Variants in PPP2R3B observed in about 807,000 individuals in gnomAD.
PPP2R3B encodes the protein serine/threonine-protein phosphatase 2A regulatory subunit B'' subunit beta.
A neutral mutation model predicts 72.9 loss-of-function variants in PPP2R3B; 68 were observed. The observed-to-expected ratio is 0.93, with a 90% CI of 0.77 to 1.14. The LOEUF is 1.14. Ranked by LOEUF, PPP2R3B falls within the 50% of genes most tolerant of loss-of-function variation. The pLI is 0.00. For synonymous variants in PPP2R3B, 466 were observed against 375.8 expected (o/e 1.24, Z -2.78); for missense variants, 1,018 against 842.0 (o/e 1.21, Z -2.59).
At chrX:381,034 C>G (rs2072113367) in intron 1 of PPP2R3B, among the ~76,000 whole-genome samples, 1 of 151,482 alleles carries the variant, frequency 6.6e-6, no homozygotes. Flanking sequence ...CTCCTGGGAT[C>G]TTCCTGCCTC....
intron 1 of PPP2R3B, among the ~76,000 whole-genome samples, chrX:363,262 C>T (rs746588161): frequency 8.1e-5 from 12 of 147,780 alleles, no homozygotes; most frequent in South Asian, 6.3e-4. Flanking sequence ...CCCATGATCC[C>T]GCAGTGCATC....
At chrX:349,063 A>C (rs2071278258) in intron 2 of PPP2R3B, among the ~76,000 whole-genome samples, 1 of 152,174 alleles carries the variant, frequency 6.6e-6, no homozygotes, top group Admixed American at 6.6e-5. Flanking sequence ...TAGACCAGGA[A>C]ACCAGAATCA....
chrX:379,072 TGTGTGTGTATGCACCTAC>T (rs2072061704), intron 1 of PPP2R3B, among the ~76,000 whole-genome samples: 1 of 150,104 alleles, frequency 6.7e-6, no homozygotes, highest in African/African-American at 2.5e-5. Flanking sequence ...TATGCACCTG[TGTGTGTGTATGCACCTAC>T]GTGTGTGTGT....
intron 1 of PPP2R3B, among the ~76,000 whole-genome samples, chrX:380,478 A>C (rs1423095141): frequency 6.6e-6 from 1 of 152,182 alleles, no homozygotes; most frequent in African/African-American, 2.4e-5. Flanking sequence ...GGCCGCAGGG[A>C]AATGCAATCA....
chrX:343,677 G>T (rs371212360), intron 7 of PPP2R3B, among the ~76,000 whole-genome samples: 1,701 of 32,424 alleles, frequency 0.052, 21 homozygotes, highest in Non-Finnish European at 0.066. Flanking sequence ...GAGGCGGGAG[G>T]GAGACCTCGC....
rs751601658 is a variant in PPP2R3B at position 340,949 on chromosome X, C to T, written c.1176-9G>A. On this transcript the variant is annotated splice_polypyrimidine_tract_variant and intron_variant, in intron 9 of 12. Coordinates refer to ENST00000390665, the MANE Select transcript of PPP2R3B (RefSeq NM_013239.5). ...GGAACCAGTACTCGATGCTGCGGCA[C>T]GGCGAGCTCTGTCAGCCCCTGCCCT... The T allele has an allele frequency of 1.3e-5, 21 of 1,608,276 alleles. No homozygotes were observed. The East Asian group carries it at 1.6e-4, about 12-fold the overall frequency.
chrX:334,428 G>A lies in PPP2R3B; in HGVS notation c.1667C>T (p.Pro556Leu), dbSNP rs143642265. The change falls in exon 13 of 13, where the codon CCG (proline) becomes CTG (leucine). Residue 556 changes from proline (P) to leucine (L), a missense_variant. Physicochemically the swap from Pro to Leu is moderately conservative, Grantham distance 98. Coordinates refer to ENST00000390665, the MANE Select transcript of PPP2R3B (RefSeq NM_013239.5). ...CTCGTACAGGTCCACGGCGCCCAGC[G>A]GTGAGGGCGCCTCGAAGAAGGGCCT... is the stretch of plus-strand genomic sequence containing the variant. Reference protein sequence around the residue: ...AQRPFFEAPSPLGAVDLYEYA... With the variant: ...AQRPFFEAPSLLGAVDLYEYA... 1.2e-3 allele frequency: 1,921 copies of A among 1,595,004 alleles called. 5 individuals are homozygous for A. Among genetic ancestry groups the A allele is most frequent in the African/African-American group, 0.012 (878 of 74,032 alleles).
chrX:341,672 AC>A (rs1391194469), intron 8 of PPP2R3B: 2 of 670,282 alleles, frequency 3.0e-6, no homozygotes, highest in Non-Finnish European at 2.6e-6. Context: ...GGCCTGGGCC[AC>A]CCCCTTCCTC....
chrX:360,689 G>A (rs2071520547), intron 2 of PPP2R3B, among the ~76,000 whole-genome samples: 1 of 152,188 alleles, frequency 6.6e-6, no homozygotes, highest in Non-Finnish European at 1.5e-5. Context: ...AGGGGTGGGA[G>A]CATCCACTGG....
intron 1 of PPP2R3B, among the ~76,000 whole-genome samples, chrX:385,765 T>C (rs977110531): frequency 6.6e-6 from 1 of 152,084 alleles, no homozygotes; most frequent in African/African-American, 2.4e-5. Flanking sequence ...AGCAAGACCC[T>C]GTCTCCAAAG....
chrX:345,328 C>G (rs1471877376), intron 7 of PPP2R3B, 188 bp downstream of exon 7: 2 of 858,182 alleles, frequency 2.3e-6, no homozygotes, highest in African/African-American at 3.3e-5. Context: ...CACGCGGGGA[C>G]CCAGACACGG....
intron 2 of PPP2R3B, chrX:359,762 A>G (rs1183724681): frequency 2.1e-6 from 1 of 475,600 alleles, no homozygotes; most frequent in African/African-American, 2.0e-5. Context: ...TCATACTCAT[A>G]CACATATTTG....
chrX:341,521 T>G, intron 8 of PPP2R3B, 125 bp from the exon 9 acceptor site: 1 of 876,916 alleles, frequency 1.1e-6, no homozygotes, highest in Non-Finnish European at 1.8e-6. Context: ...CCTGCCCCCC[T>G]CCTGCCCCTC....
At chrX:347,528 C>A in intron 3 of PPP2R3B, 62 bp downstream of exon 3, 6 of 1,508,158 alleles carry the variant, frequency 4.0e-6, no homozygotes, top group Non-Finnish European at 5.4e-6. Context: ...GTCCTGGCAC[C>A]ACGGGGACCC....
At position 338,717 on chromosome X, in the gene PPP2R3B, G is replaced by T. The variant is rs773117993; in HGVS notation, c.1471-7C>A. 2.4e-5 allele frequency: 38 copies of T among 1,611,650 alleles called. No homozygotes were observed. The highest frequency in any genetic ancestry group is 2.6e-5 in the Non-Finnish European group (31 of 1,179,510). ...GGCCGCCGCTGTCACCGTCCTGGAGGAAGCACACGGGTTACGTACACGGCG... is the reference window on the plus strand; with the variant it reads ...GGCCGCCGCTGTCACCGTCCTGGAGTAAGCACACGGGTTACGTACACGGCG... On this transcript the variant is annotated splice_polypyrimidine_tract_variant and splice_region_variant and intron_variant, in intron 11 of 12. Coordinates refer to ENST00000390665, the MANE Select transcript of PPP2R3B (RefSeq NM_013239.5).
At chrX:373,889 G>C (rs985789880) in intron 1 of PPP2R3B, 9 of 153,174 alleles carry the variant, frequency 5.9e-5, no homozygotes, top group Non-Finnish European at 1.0e-4. Context: ...CGACTGTGCA[G>C]ACCCGGCTGC....
At chrX:373,432 C>G (rs2071911046) in intron 1 of PPP2R3B, 1 of 152,192 alleles carries the variant, frequency 6.6e-6, no homozygotes, top group Admixed American at 6.6e-5. Flanking sequence ...GCACGGCCAG[C>G]AGCGGCGAGC....
rs117050855 is a variant in PPP2R3B, at chrX:345,479, G to A, written c.1036+37C>T. On this transcript the variant is annotated intron_variant, in intron 7 of 12. Coordinates refer to ENST00000390665, the MANE Select transcript of PPP2R3B (RefSeq NM_013239.5). ...GCCCTGAGAGAAGGGTGTGCTCGGT[G>A]TCCGCGCGGCCCGCCCGCCCCTGTG... 6.8e-6 allele frequency: 11 copies of A among 1,610,512 alleles called. No homozygotes were observed. In the Admixed American group the frequency reaches 1.7e-4, roughly 24 times the overall value.
intron 1 of PPP2R3B, among the ~76,000 whole-genome samples, chrX:364,862 G>C (rs1439728760): frequency 1.3e-4 from 3 of 23,948 alleles, no homozygotes. Flanking sequence ...CAGCCTGGGC[G>C]ACAGAGTGAG....
Sources: gnomAD v4.1 joint callset for allele counts (sites outside exome capture counted in the v4.1 genomes callset) on GRCh38, gnomAD v4.1.1 for gene constraint, MANE v1.5 for transcripts, NCBI Gene and HGNC (gene_info 2026-07-23, HGNC 2026-07-21) for gene names.